The following PTPRN2 variants were observed in gnomAD, a reference collection of about 807,000 sequenced individuals.
PTPRN2 encodes protein tyrosine phosphatase receptor type N2, also known as receptor-type tyrosine-protein phosphatase N2.
PTPRN2 carries 74 observed loss-of-function variants against 118.8 expected under a neutral mutation model. The ratio of observed to expected loss-of-function variants is 0.62; its 90% CI spans 0.52 to 0.76. PTPRN2 has a LOEUF of 0.76. Among genes scored for constraint, PTPRN2 ranks in the 30% least tolerant of loss-of-function variants. The probability of loss-of-function intolerance (pLI) is 0.00; values close to 1 mark genes in which losing one functional copy is unlikely to be tolerated. For synonymous variants in PTPRN2, 641 were observed against 608.0 expected (o/e 1.05, Z -0.80); for missense variants, 1,481 against 1,394.4 (o/e 1.06, Z -0.99).
intron 1 of PTPRN2, among the ~76,000 whole-genome samples, chr7:158,556,533 A>G (rs1487219301): frequency 6.6e-6 from 1 of 150,690 alleles, no homozygotes; most frequent in African/African-American, 2.5e-5. Context: ...AGCCTGGGCG[A>G]CAGAGCAAAA....
At chr7:157,942,655 A>G (rs1019470014) in intron 11 of PTPRN2, among the ~76,000 whole-genome samples, 1 of 152,134 alleles carries the variant, frequency 6.6e-6, no homozygotes, top group Non-Finnish European at 1.5e-5. Flanking sequence ...GCAAGTGTCT[A>G]AAAATGATGT....
At position 157,576,694 on chromosome 7, in the gene PTPRN2, C is replaced by T; in HGVS notation, c.2702G>A (p.Arg901His). The T allele has an allele frequency of 6.2e-7, 1 of 1,611,258 alleles. No individual in the cohort carries two copies. Among genetic ancestry groups the T allele is most frequent in the Non-Finnish European group, 8.5e-7 (1 of 1,178,524 alleles). Reference sequence around the variant, plus strand: ...CAGGAAGTGGAACTGCGTCACGGTGCGCGTCTCGTTGGTCTGCAGGTTCTT... The same window carrying T: ...CAGGAAGTGGAACTGCGTCACGGTGTGCGTCTCGTTGGTCTGCAGGTTCTT... ...YLKNLQTNET[R>H]TVTQFHFLSW... Residue 901 changes from arginine (R) to histidine (H), a missense_variant, in exon 19 of 23, where the codon CGC becomes CAC. Around this residue, in one of 3 missense-constraint regions of PTPRN2, gnomAD observed 362 missense variants for 384.1 expected, o/e 0.94. Coordinates refer to ENST00000389418, the MANE Select transcript of PTPRN2 (RefSeq NM_002847.5).
Position 157,875,947 on chromosome 7 carries a change from G to C in PTPRN2, c.1788+22726C>G, listed in dbSNP as rs187811421. On this transcript the variant is annotated intron_variant, in intron 12 of 22. Coordinates refer to ENST00000389418, the MANE Select transcript of PTPRN2 (RefSeq NM_002847.5). ...GGGCTGCAGAGGGTCAGGAGGGGCCGAGCCCCCAGGCCAGGCATCCCCAGG... is the reference window on the plus strand; with the variant it reads ...GGGCTGCAGAGGGTCAGGAGGGGCCCAGCCCCCAGGCCAGGCATCCCCAGG... 2.6e-3 allele frequency among the ~76,000 whole-genome samples: 402 copies of C among 151,984 alleles called. 3 individuals are homozygous for C. Among genetic ancestry groups the C allele is most frequent in the Admixed American group, 8.8e-3 (134 of 15,292 alleles).
intron 11 of PTPRN2, among the ~76,000 whole-genome samples, chr7:157,960,484 C>T (rs1563275905): frequency 1.3e-5 from 2 of 152,132 alleles, no homozygotes; most frequent in Admixed American, 6.6e-5. Context: ...AATATAGATA[C>T]ATTTTAACCA....
intron 11 of PTPRN2, among the ~76,000 whole-genome samples, chr7:158,007,060 G>A (rs1031745844): frequency 1.7e-4 from 26 of 152,184 alleles, no homozygotes; most frequent in Non-Finnish European, 4.4e-5. Context: ...GCTGGCGGGC[G>A]GCCGTCTCCT....
chr7:157,711,758 C>T (rs1798635531), intron 12 of PTPRN2, among the ~76,000 whole-genome samples: 1 of 152,110 alleles, frequency 6.6e-6, no homozygotes, highest in Non-Finnish European at 1.5e-5. Context: ...CCGGGTTAAC[C>T]TCAGGGGGCA....
At chr7:158,166,059 G>A (rs1399203310) in intron 6 of PTPRN2, among the ~76,000 whole-genome samples, 2 of 152,110 alleles carry the variant, frequency 1.3e-5, no homozygotes, top group Middle Eastern at 3.2e-3. Flanking sequence ...GACTTAACGT[G>A]TTCAGAGTCA....
At chr7:158,376,649 C>T (rs1322159020) in intron 2 of PTPRN2, among the ~76,000 whole-genome samples, 1 of 116,274 alleles carries the variant, frequency 8.6e-6, no homozygotes, top group Non-Finnish European at 1.7e-5. Context: ...CCCTGTCACA[C>T]GTCCTGCATG....
intron 2 of PTPRN2, among the ~76,000 whole-genome samples, chr7:158,421,541 G>A (rs1287298101): frequency 2.6e-5 from 4 of 152,230 alleles, no homozygotes; most frequent in African/African-American, 9.6e-5. Flanking sequence ...TAAATGGAAA[G>A]AAAGAAACGC....
chr7:157,995,793 T>C (rs1804679158), intron 11 of PTPRN2, among the ~76,000 whole-genome samples: 1 of 152,252 alleles, frequency 6.6e-6, no homozygotes, highest in Admixed American at 6.5e-5. Flanking sequence ...ATCTGACTTC[T>C]ACGGCAAACT....
chr7:157,586,324 C>T (rs761624088), intron 17 of PTPRN2, among the ~76,000 whole-genome samples: 2 of 152,206 alleles, frequency 1.3e-5, no homozygotes, highest in Admixed American at 6.5e-5. Flanking sequence ...CCTCCTGACT[C>T]TCCCTTCACT....
intron 16 of PTPRN2, among the ~76,000 whole-genome samples, chr7:157,595,598 AG>A (rs1801276845): frequency 4.2e-5 from 6 of 144,470 alleles, no homozygotes; most frequent in African/African-American, 1.7e-4. Flanking sequence ...CCTGGTGTTT[AG>A]GAAGCCCGGA....
chr7:158,126,957 C>T (rs142906387), intron 9 of PTPRN2, among the ~76,000 whole-genome samples: 46 of 152,304 alleles, frequency 3.0e-4, no homozygotes, highest in South Asian at 8.3e-4. Flanking sequence ...GAGGTGAGCA[C>T]GCAGCAGCCC....
At chr7:157,641,205 C>T (rs769632015) in intron 14 of PTPRN2, among the ~76,000 whole-genome samples, 4 of 152,086 alleles carry the variant, frequency 2.6e-5, no homozygotes, top group Non-Finnish European at 2.9e-5. Flanking sequence ...TTAAAAGTAT[C>T]AGGATAATTA....
intron 12 of PTPRN2, among the ~76,000 whole-genome samples, chr7:157,805,700 A>C (rs1263754163): frequency 6.6e-6 from 1 of 152,238 alleles, no homozygotes; most frequent in Non-Finnish European, 1.5e-5. Context: ...AAGAATCTTA[A>C]TAAACCCAAG....
chr7:157,684,458 G>T (rs1180355056), intron 12 of PTPRN2, among the ~76,000 whole-genome samples: 1 of 150,174 alleles, frequency 6.7e-6, no homozygotes, highest in African/African-American at 2.4e-5. Flanking sequence ...CCGGGAGAGG[G>T]AGGAGGGGCG....
At chr7:158,094,374 A>T (rs1316584928) in intron 10 of PTPRN2, among the ~76,000 whole-genome samples, 1 of 151,976 alleles carries the variant, frequency 6.6e-6, no homozygotes, top group Admixed American at 6.6e-5. Flanking sequence ...CAATGGCGTG[A>T]TCTCGGCTCA....
At position 157,903,239 on chromosome 7, in the gene PTPRN2, G is replaced by A. The variant is rs1382335646; in HGVS notation, c.1724-4502C>T. ...CGGGTACTTACAGCCATAGAGATGG[G>A]AACAACAGACACGTAAGAGGGAATG... On this transcript the variant is annotated intron_variant, in intron 11 of 22. Transcript: ENST00000389418. The surrounding 1 kb of genome is among the most constrained non-coding windows in gnomAD (Gnocchi z 4.2). 3.3e-5 allele frequency among the ~76,000 whole-genome samples: 5 copies of A among 152,126 alleles called. No individual in the cohort carries two copies. In the East Asian group the frequency reaches 9.6e-4, roughly 29 times the overall value.
chr7:158,105,296 A>G (rs1239350941), intron 10 of PTPRN2, among the ~76,000 whole-genome samples: 13 of 127,822 alleles, frequency 1.0e-4, no homozygotes, highest in East Asian at 7.3e-4. Context: ...CTCCATCCCA[A>G]CTCCACCCTC....
Sources: allele counts gnomAD v4.1 joint callset (sites outside exome capture counted in the v4.1 genomes callset), GRCh38; gene constraint gnomAD v4.1.1; regional missense constraint gnomAD v4.1.1; non-coding constraint Gnocchi (gnomAD v3.1); transcripts MANE v1.5; gene names NCBI Gene and HGNC (gene_info 2026-07-23, HGNC 2026-07-21).